AFF3: variants seen among roughly 807,000 people sequenced by gnomAD.
AFF3 encodes ALF transcription elongation factor 3.
Under a neutral mutation model 129.7 loss-of-function variants are expected in AFF3, and 32 were observed. The observed-to-expected ratio is 0.25, with a 90% CI of 0.19 to 0.33. AFF3 has a LOEUF of 0.33. Among genes scored for constraint, AFF3 ranks in the 10% least tolerant of loss-of-function variants. The pLI, the probability that AFF3 is intolerant of heterozygous loss-of-function variation, is 1.00. For missense variants in AFF3, 1,373 were observed against 1,592.0 expected (o/e 0.86, Z 2.34); for synonymous variants, 644 against 635.4 (o/e 1.01, Z -0.20).
chr2:100,106,502 T>C, intron 2 of AFF3: 2 of 1,002,906 alleles, frequency 2.0e-6, no homozygotes, highest in Non-Finnish European at 2.4e-6. Flanking sequence ...TGGAAATGTT[T>C]GCTTTGGCGA....
At position 99,820,791 on chromosome 2, in the gene AFF3, A is replaced by C. The variant is rs556708648; in HGVS notation, c.921+16686T>G. ...CTTACTTTTAAAACTTTTTTGTCAA[A>C]ATTAAGTCACAAACATACATATTAG... is the stretch of plus-strand genomic sequence containing the variant. On this transcript the variant is annotated intron_variant, in intron 8 of 24. Transcript: ENST00000672756. Among the ~76,000 whole-genome samples the C allele has an allele frequency of 6.4e-5, 6 of 93,538 alleles. No individual in the cohort carries two copies. In the South Asian group the frequency reaches 2.9e-3, roughly 46 times the overall value. The allele number at this position is 93,538 out of a possible 152,430, so 61.4% of individuals were successfully genotyped here.
chr2:99,841,312 C>T (rs1576158385), intron 7 of AFF3, among the ~76,000 whole-genome samples: 1 of 152,208 alleles, frequency 6.6e-6, no homozygotes, highest in Admixed American at 6.5e-5. Context: ...TCTCTCATCA[C>T]TGGAGACATA....
At chr2:99,783,999 CTTACTTT>C (rs1019997698) in intron 8 of AFF3, among the ~76,000 whole-genome samples, 9 of 152,206 alleles carry the variant, frequency 5.9e-5, no homozygotes, top group African/African-American at 2.2e-4. Context: ...TGATCAAAAA[CTTACTTT>C]TTAAGCACAT....
At chr2:99,866,474 T>G (rs1291174949) in intron 7 of AFF3, among the ~76,000 whole-genome samples, 1 of 152,102 alleles carries the variant, frequency 6.6e-6, no homozygotes, top group Non-Finnish European at 1.5e-5. Context: ...CAAGGGACGC[T>G]GGATGGTGCT....
At chr2:99,567,651 G>A (rs1183855258) in intron 19 of AFF3, among the ~76,000 whole-genome samples, 1 of 152,146 alleles carries the variant, frequency 6.6e-6, no homozygotes, top group Non-Finnish European at 1.5e-5. Context: ...GCCCATGAGA[G>A]TGTGTGAGAG....
In AFF3 at chr2:99,891,702, A is replaced by G. The variant is rs540299437; in HGVS notation, c.874-54178T>C. On this transcript the variant is annotated intron_variant, in intron 7 of 24. Transcript: ENST00000672756. ...GCGAGGCGATACTGCCTCACTGTAC[A>G]GATGAAGACACAGAGGTTCAGAATG... is the stretch of plus-strand genomic sequence containing the variant. Among the ~76,000 whole-genome samples the G allele has an allele frequency of 7.9e-5, 12 of 152,348 alleles. No homozygotes were observed. The South Asian group carries it at 1.2e-3, about 16-fold the overall frequency.
chr2:99,777,470 C>T (rs1307009391), intron 8 of AFF3, among the ~76,000 whole-genome samples: 1 of 152,152 alleles, frequency 6.6e-6, no homozygotes, highest in East Asian at 1.9e-4. Context: ...AATGCTGCTG[C>T]ATCCCAGGGC....
intron 11 of AFF3, among the ~76,000 whole-genome samples, chr2:99,677,792 C>T (rs1000188557): frequency 1.3e-5 from 2 of 152,172 alleles, no homozygotes; most frequent in African/African-American, 2.4e-5. Context: ...TCACCACCAG[C>T]GGAACCAGTA....
intron 8 of AFF3, among the ~76,000 whole-genome samples, chr2:99,829,635 C>T (rs779723561): frequency 5.9e-5 from 9 of 152,066 alleles, no homozygotes; most frequent in African/African-American, 9.7e-5. Context: ...AGGCAACAGA[C>T]GCTGGCAAGG....
At chr2:99,646,928 C>T (rs972070219) in intron 13 of AFF3, among the ~76,000 whole-genome samples, 1 of 152,174 alleles carries the variant, frequency 6.6e-6, no homozygotes, top group Non-Finnish European at 1.5e-5. Flanking sequence ...ATGGGGATTA[C>T]GTCTGTGGCC....
intron 4 of AFF3, among the ~76,000 whole-genome samples, chr2:100,042,820 T>C (rs1417582159): frequency 6.6e-6 from 1 of 152,186 alleles, no homozygotes; most frequent in Non-Finnish European, 1.5e-5. Flanking sequence ...AACATCAGAG[T>C]TGCTTAATAA....
At chr2:99,784,736 A>G (rs950708913) in intron 8 of AFF3, among the ~76,000 whole-genome samples, 4 of 152,202 alleles carry the variant, frequency 2.6e-5, no homozygotes, top group African/African-American at 9.6e-5. Context: ...TCTCTTAGCC[A>G]CTTTTTATTT....
intron 8 of AFF3, among the ~76,000 whole-genome samples, chr2:99,777,248 C>T (rs905235491): frequency 6.6e-6 from 1 of 152,124 alleles, no homozygotes; most frequent in African/African-American, 2.4e-5. Context: ...TGATTCCTTC[C>T]CAGGAGCATC....
chr2:99,626,308 GCCTC>G (rs1024098836), intron 13 of AFF3, among the ~76,000 whole-genome samples: 4 of 134,664 alleles, frequency 3.0e-5, no homozygotes, highest in African/African-American at 8.1e-5. Flanking sequence ...TGGAAAGTCT[GCCTC>G]CCTCCCTTCC....
At chr2:99,565,953 C>T (rs1422679445) in intron 19 of AFF3, among the ~76,000 whole-genome samples, 2 of 152,268 alleles carry the variant, frequency 1.3e-5, no homozygotes, top group African/African-American at 4.8e-5. Context: ...TTCCTTGTTC[C>T]TCCATGCTAT....
At chr2:99,874,510 G>T (rs1003759655) in intron 7 of AFF3, among the ~76,000 whole-genome samples, 1 of 152,096 alleles carries the variant, frequency 6.6e-6, no homozygotes, top group African/African-American at 2.4e-5. Flanking sequence ...GATTTGGGGG[G>T]TTGTTTTTTC....
At chr2:99,919,502 T>G (rs1695713416) in intron 7 of AFF3, among the ~76,000 whole-genome samples, 1 of 152,146 alleles carries the variant, frequency 6.6e-6, no homozygotes, top group African/African-American at 2.4e-5. Flanking sequence ...TATTTTATGT[T>G]GAATAGGTGA....
intron 7 of AFF3, among the ~76,000 whole-genome samples, chr2:99,878,327 G>A (rs868274654): frequency 1.3e-5 from 2 of 152,128 alleles, no homozygotes; most frequent in Non-Finnish European, 2.9e-5. Flanking sequence ...GCAATGGAAC[G>A]CTCTTCCCTG....
chr2:99,679,376 G>A (rs931361607), intron 11 of AFF3, among the ~76,000 whole-genome samples: 3 of 152,126 alleles, frequency 2.0e-5, no homozygotes, highest in African/African-American at 7.2e-5. Flanking sequence ...AGCAACTTCT[G>A]ATGGTCCTTT....
Sources: gnomAD v4.1 joint callset for allele counts (sites outside exome capture counted in the v4.1 genomes callset) on GRCh38, gnomAD v4.1.1 for gene constraint, MANE v1.5 for transcripts, NCBI Gene and HGNC (gene_info 2026-07-23, HGNC 2026-07-21) for gene names.